The following BNC2 variants were observed in gnomAD, a reference collection of about 807,000 sequenced individuals.
BNC2 encodes basonuclin zinc finger protein 2.
Under a neutral mutation model 76.3 loss-of-function variants are expected in BNC2, and 20 were observed. The observed-to-expected ratio is 0.26, with a 90% confidence interval of 0.18 to 0.38. The LOEUF (loss-of-function observed/expected upper bound fraction) is 0.38. Among genes scored for constraint, BNC2 ranks in the 10% least tolerant of loss-of-function variants. The pLI, the probability that BNC2 is intolerant of heterozygous loss-of-function variation, is 1.00. For missense variants in BNC2, 1,382 were observed against 1,399.8 expected, an observed-to-expected ratio of 0.99 and a Z score of 0.20; for synonymous variants, 582 against 514.8, an observed-to-expected ratio of 1.13 and a Z score of -1.77.
intron 3 of BNC2, among the ~76,000 whole-genome samples, chr9:16,696,388 T>C (rs529186795): frequency 2.4e-4 from 36 of 152,206 alleles, no homozygotes; most frequent in Non-Finnish European, 4.1e-4. Context: ...TAACCTGAAA[T>C]AGTTCTCATG....
intron 3 of BNC2, among the ~76,000 whole-genome samples, chr9:16,653,029 A>G (rs7020450): frequency 1 from 152,196 of 152,258 alleles, 76,067 homozygotes; most frequent in Middle Eastern, 1. Context: ...ATATGTTTCT[A>G]TTTATATTAG....
At chr9:16,842,729 G>C (rs916970909) in intron 1 of BNC2, among the ~76,000 whole-genome samples, 2 of 151,780 alleles carry the variant, frequency 1.3e-5, no homozygotes, top group African/African-American at 4.8e-5. Flanking sequence ...TCTGACTCTT[G>C]TGTAAGCCTG....
chr9:16,839,283 C>T (rs1206647091), intron 1 of BNC2, among the ~76,000 whole-genome samples: 1 of 152,178 alleles, frequency 6.6e-6, no homozygotes, highest in Admixed American at 6.5e-5. Flanking sequence ...AACTAGCACT[C>T]GTTGCTAAGG....
At chr9:16,584,816 GA>G (rs1417067700) in intron 3 of BNC2, among the ~76,000 whole-genome samples, 4 of 151,996 alleles carry the variant, frequency 2.6e-5, no homozygotes, top group African/African-American at 9.7e-5. Flanking sequence ...ATTGTACTGT[GA>G]CCAAAATAAA....
At position 16,853,677 on chromosome 9, in the gene BNC2, G is replaced by A. The variant is rs527275898; in HGVS notation, c.3+16969C>T. Among the ~76,000 whole-genome samples, 4 of 152,180 alleles carry A rather than the reference G, an allele frequency of 2.6e-5. No individual in the cohort carries two copies. In the East Asian group the frequency reaches 7.8e-4, roughly 30 times the overall value. On this transcript the variant is annotated intron_variant, in intron 1 of 6. Coordinates refer to ENST00000380672, the MANE Select transcript of BNC2 (RefSeq NM_017637.6). ...AGGTCAGGAGTTCAAGACCAGCCTG[G>A]CCAACATGGTGAAACCCTGTCTGTA...
chr9:16,796,652 A>G (rs1370623395), intron 1 of BNC2, among the ~76,000 whole-genome samples: 3 of 95,636 alleles, frequency 3.1e-5, no homozygotes, highest in South Asian at 1.2e-3. Context: ...AAGGAAAGAG[A>G]AAAAAAAAGA....
chr9:16,722,441 G>A (rs571335488), intron 3 of BNC2, among the ~76,000 whole-genome samples: 8 of 152,248 alleles, frequency 5.3e-5, no homozygotes, highest in Middle Eastern at 3.4e-3. Context: ...ATTTATCAGT[G>A]AATGTGAATA....
intron 3 of BNC2, among the ~76,000 whole-genome samples, chr9:16,726,022 T>A (rs1171739593): frequency 1.5e-5 from 2 of 134,900 alleles, no homozygotes; most frequent in Non-Finnish European, 3.2e-5. Context: ...ACACACGACC[T>A]CCACTAACTC....
intron 3 of BNC2, among the ~76,000 whole-genome samples, chr9:16,646,871 T>C (rs1223202494): frequency 2.6e-5 from 4 of 152,286 alleles, no homozygotes; most frequent in South Asian, 2.1e-4. Context: ...ATAGAGGGTC[T>C]ACTGGGATGT....
At chr9:16,735,057 A>C (rs1250823385) in intron 2 of BNC2, among the ~76,000 whole-genome samples, 1 of 152,212 alleles carries the variant, frequency 6.6e-6, no homozygotes, top group Non-Finnish European at 1.5e-5. Context: ...AATATCCAAA[A>C]GCCATAATCC....
chr9:16,598,883 A>C (rs924760229), intron 3 of BNC2, among the ~76,000 whole-genome samples: 4 of 152,224 alleles, frequency 2.6e-5, no homozygotes, highest in Admixed American at 2.6e-4. Context: ...TGAAAAAGCC[A>C]AACATCAAAA....
intron 1 of BNC2, among the ~76,000 whole-genome samples, chr9:16,848,125 A>T (rs1328341150): frequency 6.6e-6 from 1 of 152,250 alleles, no homozygotes; most frequent in Non-Finnish European, 1.5e-5. Context: ...CTTTTCCCTT[A>T]GTATCTTATC....
chr9:16,512,292 A>G (rs1325901557), intron 5 of BNC2, among the ~76,000 whole-genome samples: 2 of 152,222 alleles, frequency 1.3e-5, no homozygotes, highest in African/African-American at 4.8e-5. Flanking sequence ...AACATGTGGT[A>G]AATAAAATTC....
chr9:16,663,153 G>A (rs571185062), intron 3 of BNC2, among the ~76,000 whole-genome samples: 4 of 46,442 alleles, frequency 8.6e-5, no homozygotes, highest in African/African-American at 1.7e-4. Context: ...TTTTGGAGAC[G>A]GAGTCTTGCC....
intron 3 of BNC2, among the ~76,000 whole-genome samples, chr9:16,679,445 A>G (rs1305516478): frequency 6.6e-6 from 1 of 152,186 alleles, no homozygotes; most frequent in Non-Finnish European, 1.5e-5. Flanking sequence ...ATATAATTCA[A>G]TTTCTTTTAA....
intron 5 of BNC2, among the ~76,000 whole-genome samples, chr9:16,544,391 C>T (rs2132422006): frequency 6.6e-6 from 1 of 152,080 alleles, no homozygotes; most frequent in East Asian, 1.9e-4. Flanking sequence ...AGGTGCAATC[C>T]TAGATACTCT....
At chr9:16,790,007 G>C (rs1055722088) in intron 1 of BNC2, among the ~76,000 whole-genome samples, 8 of 152,108 alleles carry the variant, frequency 5.3e-5, no homozygotes, top group African/African-American at 1.9e-4. Context: ...CATGTGAAAT[G>C]ATTTTTTTTT....
At chr9:16,793,796 G>GCTGGGA (rs1423165049) in intron 1 of BNC2, among the ~76,000 whole-genome samples, 5 of 150,308 alleles carry the variant, frequency 3.3e-5, no homozygotes, top group Admixed American at 6.6e-5. Context: ...CTCCCGAGTA[G>GCTGGGA]CTGGGACTGG....
In BNC2 at chr9:16,435,913, C is replaced by T; in HGVS notation, c.2281G>A (p.Glu761Lys). The change falls in exon 6 of 7, where the codon GAG (glutamate) becomes AAG (lysine). Residue 761 changes from glutamate to lysine, a missense_variant. Transcript: ENST00000380672. The part of the protein sequence containing the change: ...KVLMNSERPD[E>K]NHSEPSHQDV... ...TGGTGAGAGGGCTCACTGTGGTTCT[C>T]ATCAGGCCTCTCACTATTCATCAGG... 1.9e-6 allele frequency: 3 copies of T among 1,614,086 alleles called. No individual in the cohort carries two copies. The highest frequency in any genetic ancestry group is 2.2e-5 in the South Asian group (2 of 91,090).
Sources: allele counts gnomAD v4.1 joint callset (sites outside exome capture counted in the v4.1 genomes callset), GRCh38; gene constraint gnomAD v4.1.1; transcripts MANE v1.5; gene names NCBI Gene and HGNC (gene_info 2026-07-23, HGNC 2026-07-21).